The following FSTL4 variants were observed in gnomAD, a reference collection of about 807,000 sequenced individuals.
FSTL4 encodes the protein follistatin-related protein 4.
In FSTL4, 28 loss-of-function variants were observed where a neutral mutation model predicts 78.2. The ratio of observed to expected loss-of-function variants is 0.36; its 90% CI spans 0.27 to 0.49. The LOEUF is 0.49. Among genes scored for constraint, FSTL4 ranks in the 20% least tolerant of loss-of-function variants. The pLI, the probability that FSTL4 is intolerant of heterozygous loss-of-function variation, is 0.98. For missense variants in FSTL4, 922 were observed against 1,084.9 expected (o/e 0.85, Z 2.11); for synonymous variants, 422 against 440.5 (o/e 0.96, Z 0.53).
At chr5:133,289,345 C>T (rs1753205870) in intron 6 of FSTL4, among the ~76,000 whole-genome samples, 1 of 152,192 alleles carries the variant, frequency 6.6e-6, no homozygotes. Flanking sequence ...CCAAATATAT[C>T]CCACCTTCAT....
intron 4 of FSTL4, among the ~76,000 whole-genome samples, chr5:133,355,098 A>G (rs1288327603): frequency 1.3e-5 from 2 of 152,206 alleles, no homozygotes; most frequent in Non-Finnish European, 2.9e-5. Context: ...ATGTTAAAAG[A>G]GGCGTAGCAT....
At chr5:133,387,246 G>A (rs1205269918) in intron 4 of FSTL4, among the ~76,000 whole-genome samples, 1 of 152,148 alleles carries the variant, frequency 6.6e-6, no homozygotes, top group Non-Finnish European at 1.5e-5. Flanking sequence ...ACACTGAAAG[G>A]GGATGGGCAG....
chr5:133,437,455 C>A (rs1580707805), intron 3 of FSTL4, among the ~76,000 whole-genome samples: 1 of 146,526 alleles, frequency 6.8e-6, no homozygotes, highest in East Asian at 2.0e-4. Context: ...ACATTTAATG[C>A]AAACTGTATA....
At chr5:133,561,513 A>T (rs1580790258) in intron 3 of FSTL4, among the ~76,000 whole-genome samples, 1 of 152,250 alleles carries the variant, frequency 6.6e-6, no homozygotes, top group East Asian at 1.9e-4. Flanking sequence ...GACGGTGAGC[A>T]GGCAGGACTC....
intron 4 of FSTL4, among the ~76,000 whole-genome samples, chr5:133,362,049 A>G (rs977028358): frequency 5.3e-5 from 8 of 152,240 alleles, no homozygotes; most frequent in African/African-American, 1.9e-4. Flanking sequence ...CCAAGGAATG[A>G]GTACACATTA....
intron 6 of FSTL4, among the ~76,000 whole-genome samples, chr5:133,309,925 G>T (rs1399410956): frequency 6.6e-6 from 1 of 152,208 alleles, no homozygotes; most frequent in African/African-American, 2.4e-5. Flanking sequence ...CCAGAATGTT[G>T]TTGCTGAAAT....
chr5:133,559,915 G>A (rs1759876667), intron 3 of FSTL4, among the ~76,000 whole-genome samples: 1 of 152,212 alleles, frequency 6.6e-6, no homozygotes, highest in South Asian at 2.1e-4. Context: ...GAGCTATGGG[G>A]TTCACAGTCA....
intron 4 of FSTL4, among the ~76,000 whole-genome samples, chr5:133,394,475 A>C (rs1237539115): frequency 6.6e-6 from 1 of 152,224 alleles, no homozygotes; most frequent in Non-Finnish European, 1.5e-5. Context: ...CTGGCCCCGG[A>C]CAGCGAGGGG....
intron 7 of FSTL4, among the ~76,000 whole-genome samples, chr5:133,235,939 T>C (rs1344640304): frequency 6.6e-6 from 1 of 152,126 alleles, no homozygotes; most frequent in Non-Finnish European, 1.5e-5. Flanking sequence ...TCTGTTTAGC[T>C]TGGAGTCTCA....
chr5:133,676,965 C>T, the FSTL4 span, among the ~76,000 whole-genome samples: 1 of 152,186 alleles, frequency 6.6e-6, no homozygotes, highest in Non-Finnish European at 1.5e-5. Context: ...TAATGATGTG[C>T]TTCCCCAAAT....
chr5:133,459,424 C>A (rs902168259), intron 3 of FSTL4, among the ~76,000 whole-genome samples: 6 of 151,820 alleles, frequency 4.0e-5, no homozygotes, highest in African/African-American at 1.5e-4. Context: ...TTAAATATGA[C>A]GAGGATTAGA....
chr5:133,620,862 A>G, the FSTL4 span, among the ~76,000 whole-genome samples: 3 of 152,232 alleles, frequency 2.0e-5, no homozygotes, highest in African/African-American at 7.2e-5. Flanking sequence ...CACTATGGAA[A>G]ACAGTGCGGA....
intron 14 of FSTL4, among the ~76,000 whole-genome samples, chr5:133,205,789 A>G (rs1474641201): frequency 6.8e-6 from 1 of 146,600 alleles, no homozygotes; most frequent in Non-Finnish European, 1.5e-5. Context: ...TTTGTAATCA[A>G]TCACTGAGCC....
At chr5:133,285,902 C>T (rs1171317476) in intron 6 of FSTL4, among the ~76,000 whole-genome samples, 3 of 152,224 alleles carry the variant, frequency 2.0e-5, no homozygotes, top group African/African-American at 4.8e-5. Context: ...TCAGCACTCT[C>T]AGGGTTGACC....
chr5:133,734,676 A>C, the FSTL4 span, among the ~76,000 whole-genome samples: 1 of 152,232 alleles, frequency 6.6e-6, no homozygotes, highest in Non-Finnish European at 1.5e-5. Context: ...CATTTCACTT[A>C]TCTTGCTTGG....
rs1750932737 is a variant in FSTL4 at position 133,217,107 on chromosome 5, CTT to C, written c.1608+120_1608+121del. 4 of 718,318 alleles carry C rather than the reference CTT, an allele frequency of 5.6e-6. No homozygotes were observed. The Admixed American group carries it at 1.0e-4, about 18-fold the overall frequency. The allele number at this position is 718,318 out of a possible 1,614,324, so 44.5% of individuals were successfully genotyped here. A position where few individuals can be genotyped will look rare whatever the true frequency, so the allele number is the denominator to read the frequency against. On this transcript the variant is annotated intron_variant, in intron 13 of 15. Transcript: ENST00000265342. The stretch of plus-strand genomic sequence containing the variant: ...ACTTCACGAATAATTACACATGAAT[CTT>C]TTCTCCCTTCAGTCTGACCACCTGG...
intron 6 of FSTL4, among the ~76,000 whole-genome samples, chr5:133,254,710 G>A (rs978754158): frequency 6.6e-6 from 1 of 152,228 alleles, no homozygotes; most frequent in Non-Finnish European, 1.5e-5. Flanking sequence ...GGCTACTACA[G>A]TCTTGCCTCC....
In FSTL4 at chr5:133,375,291, CAT is replaced by C. The variant is rs3975738; in HGVS notation, c.409+25445_409+25446del. ...AACCCAAAACATAGGGTGTGCATGG[CAT>C]ATATATATATATATATATAAAAGAC... On this transcript the variant is annotated intron_variant, in intron 4 of 15. Coordinates refer to ENST00000265342, the MANE Select transcript of FSTL4 (RefSeq NM_015082.2). Among the ~76,000 whole-genome samples the C allele has an allele frequency of 3.8e-3, 217 of 57,830 alleles. 14 individuals are homozygous for C. Among genetic ancestry groups the C allele is most frequent in the Middle Eastern group, 0.015 (1 of 68 alleles). The allele number at this position is 57,830 out of a possible 152,430, so 37.9% of individuals were successfully genotyped here. A position where few individuals can be genotyped will look rare whatever the true frequency, so the allele number is the denominator to read the frequency against.
chr5:133,662,232 C>G, the FSTL4 span, among the ~76,000 whole-genome samples: 3 of 152,200 alleles, frequency 2.0e-5, no homozygotes, highest in South Asian at 4.1e-4. Context: ...GATAAGCTCA[C>G]TAAATAATCA....
Sources: allele counts gnomAD v4.1 joint callset (sites outside exome capture counted in the v4.1 genomes callset), GRCh38; gene constraint gnomAD v4.1.1; transcripts MANE v1.5; gene names NCBI Gene and HGNC (gene_info 2026-07-23, HGNC 2026-07-21).